Variants in COLEC12 observed in about 807,000 individuals in gnomAD.
COLEC12 encodes the protein collectin-12.
A neutral mutation model predicts 71.1 loss-of-function variants in COLEC12; 33 were observed. The ratio of observed to expected loss-of-function variants is 0.46; its 90% CI spans 0.35 to 0.62. COLEC12 has a LOEUF of 0.62. Among genes scored for constraint, COLEC12 ranks in the 20% least tolerant of loss-of-function variants. The pLI is 0.00. For missense variants in COLEC12, 765 were observed against 916.1 expected (o/e 0.84, Z 2.13); for synonymous variants, 350 against 353.0 (o/e 0.99, Z 0.10).
intron 2 of COLEC12, 33 bp from the exon 3 acceptor site, chr18:357,555 G>A: frequency 1.3e-6 from 2 of 1,490,170 alleles, no homozygotes; most frequent in Non-Finnish European, 1.8e-6. Context: ...ATAACAGTAA[G>A]CAAAGATGTC....
At chr18:402,285 T>G (rs1361690674) in intron 2 of COLEC12, among the ~76,000 whole-genome samples, 2 of 152,166 alleles carry the variant, frequency 1.3e-5, no homozygotes, top group Non-Finnish European at 2.9e-5. Flanking sequence ...TCTGACTGGC[T>G]GAAGAGTAGG....
At chr18:323,558 A>G (rs952007845) in intron 8 of COLEC12, among the ~76,000 whole-genome samples, 2 of 152,254 alleles carry the variant, frequency 1.3e-5, no homozygotes, top group African/African-American at 4.8e-5. Context: ...GAAGTTGGAA[A>G]GAAAAGTAGT....
chr18:369,109 G>C (rs1322011951), intron 2 of COLEC12, among the ~76,000 whole-genome samples: 1 of 152,162 alleles, frequency 6.6e-6, no homozygotes, highest in Non-Finnish European at 1.5e-5. Flanking sequence ...TTGCCTTCTG[G>C]AGAGCCGGCT....
chr18:401,690 C>T (rs193180221), intron 2 of COLEC12, among the ~76,000 whole-genome samples: 3 of 152,308 alleles, frequency 2.0e-5, no homozygotes, highest in Non-Finnish European at 4.4e-5. Flanking sequence ...GGGTTATCAT[C>T]CCTTGGAGAT....
intron 2 of COLEC12, among the ~76,000 whole-genome samples, chr18:379,474 G>C (rs370500747): frequency 7.4e-4 from 112 of 152,068 alleles, no homozygotes; most frequent in Admixed American, 2.4e-3. Context: ...CTCCAAAGCA[G>C]GTCCATGCAA....
intron 2 of COLEC12, among the ~76,000 whole-genome samples, chr18:427,883 G>A (rs62089975): frequency 0.19 from 28,354 of 152,046 alleles, 2,907 homozygotes; most frequent in Middle Eastern, 0.24. Flanking sequence ...CAATGTTTAA[G>A]AAGAACATTG....
chr18:367,691 G>A (rs2071155933), intron 2 of COLEC12, among the ~76,000 whole-genome samples: 1 of 152,200 alleles, frequency 6.6e-6, no homozygotes, highest in African/African-American at 2.4e-5. Context: ...AGGGAACTGG[G>A]AGGGACCTAT....
chr18:320,733 C>T (rs1336691851), intron 9 of COLEC12, among the ~76,000 whole-genome samples: 1 of 152,148 alleles, frequency 6.6e-6, no homozygotes, highest in Non-Finnish European at 1.5e-5. Context: ...AAACCCCATA[C>T]CCATTAGCAT....
intron 2 of COLEC12, among the ~76,000 whole-genome samples, chr18:470,163 A>G (rs1319559711): frequency 6.6e-6 from 1 of 151,226 alleles, no homozygotes; most frequent in Non-Finnish European, 1.5e-5. Context: ...AATGGCTTAT[A>G]CCAGTAATCC....
intron 3 of COLEC12, among the ~76,000 whole-genome samples, chr18:351,788 G>C (rs1349754332): frequency 6.6e-6 from 1 of 152,132 alleles, no homozygotes; most frequent in Non-Finnish European, 1.5e-5. Flanking sequence ...ACAACGTGCA[G>C]GTTTGTTACA....
intron 5 of COLEC12, among the ~76,000 whole-genome samples, chr18:344,056 G>T (rs994002059): frequency 6.6e-6 from 1 of 152,276 alleles, no homozygotes; most frequent in African/African-American, 2.4e-5. Flanking sequence ...TTAAATTAAT[G>T]AAATAATAAA....
intron 2 of COLEC12, among the ~76,000 whole-genome samples, chr18:450,324 T>G (rs372902880): frequency 1.3e-5 from 2 of 152,180 alleles, no homozygotes; most frequent in Non-Finnish European, 2.9e-5. Context: ...AGGGGGGGCC[T>G]GCTGGGAGGA....
chr18:456,552 C>T (rs1464120673), intron 2 of COLEC12, among the ~76,000 whole-genome samples: 1 of 152,212 alleles, frequency 6.6e-6, no homozygotes, highest in Admixed American at 6.5e-5. Context: ...GATCTGTTCA[C>T]CACACTTCAC....
chr18:389,214 C>T (rs112963606), intron 2 of COLEC12, among the ~76,000 whole-genome samples: 1 of 51,224 alleles, frequency 2.0e-5, no homozygotes, highest in African/African-American at 4.3e-5. Flanking sequence ...CACAGACACA[C>T]ACACACACAC....
chr18:470,594 A>AT (rs974980432), intron 2 of COLEC12, among the ~76,000 whole-genome samples: 1 of 151,378 alleles, frequency 6.6e-6, no homozygotes, highest in African/African-American at 2.4e-5. Context: ...AAAAAAAAAA[A>AT]TTTTTTTTTA....
intron 8 of COLEC12, among the ~76,000 whole-genome samples, chr18:324,812 A>G (rs1913798770): frequency 6.6e-6 from 1 of 151,990 alleles, no homozygotes; most frequent in Non-Finnish European, 1.5e-5. Context: ...CTGGGTGACA[A>G]AGCGAGTCTC....
At chr18:433,762 G>A (rs557815787) in intron 2 of COLEC12, among the ~76,000 whole-genome samples, 3 of 152,176 alleles carry the variant, frequency 2.0e-5, no homozygotes, top group East Asian at 3.9e-4. Flanking sequence ...TCAGGAGTTC[G>A]AGACCAGCCT....
intron 3 of COLEC12, among the ~76,000 whole-genome samples, chr18:354,208 A>G (rs1211803268): frequency 1.3e-5 from 2 of 152,274 alleles, no homozygotes; most frequent in Non-Finnish European, 2.9e-5. Flanking sequence ...AGCCCGGGGC[A>G]GAGGATGTAC....
chr18:356,970 G>A (rs546596863), intron 3 of COLEC12, among the ~76,000 whole-genome samples: 1 of 152,170 alleles, frequency 6.6e-6, no homozygotes, highest in Non-Finnish European at 1.5e-5. Context: ...TTAGTTGGCC[G>A]ATCCCTGGGT....
Sources: allele counts gnomAD v4.1 joint callset (sites outside exome capture counted in the v4.1 genomes callset), GRCh38; gene constraint gnomAD v4.1.1; transcripts MANE v1.5; gene names NCBI Gene and HGNC (gene_info 2026-07-23, HGNC 2026-07-21).